GABRG3: variants seen among roughly 807,000 people sequenced by gnomAD.
The protein encoded by GABRG3 is gamma-aminobutyric acid receptor subunit gamma-3.
In GABRG3, 25 loss-of-function variants were observed where a neutral mutation model predicts 48.8. That is an observed-to-expected ratio of 0.51 (90% CI 0.37 to 0.72). GABRG3 has a LOEUF of 0.72. Among genes scored for constraint, GABRG3 ranks in the 30% least tolerant of loss-of-function variants. The pLI, the probability that GABRG3 is intolerant of heterozygous loss-of-function variation, is 0.00. For missense variants in GABRG3, 394 were observed against 577.9 expected (o/e 0.68, Z 3.26); for synonymous variants, 227 against 217.6 (o/e 1.04, Z -0.38).
intron 5 of GABRG3, among the ~76,000 whole-genome samples, chr15:27,372,400 T>G (rs543323247): frequency 1.1e-4 from 17 of 152,238 alleles, no homozygotes; most frequent in East Asian, 7.7e-4. Flanking sequence ...TATTTATTTA[T>G]TTAGTTTTTA....
chr15:27,145,606 T>TATCTATCA, intron 3 of GABRG3, among the ~76,000 whole-genome samples: 1 of 118,358 alleles, frequency 8.4e-6, no homozygotes, highest in East Asian at 2.3e-4. Flanking sequence ...TATCTATCTC[T>TATCTATCA]ATCTATCTAT....
chr15:27,049,773 G>A (rs935433723), intron 3 of GABRG3, among the ~76,000 whole-genome samples: 3 of 152,220 alleles, frequency 2.0e-5, no homozygotes, highest in Non-Finnish European at 2.9e-5. Flanking sequence ...TGAGTGATGC[G>A]TGCACGCTGC....
At chr15:27,174,293 C>G (rs1887669801) in intron 3 of GABRG3, among the ~76,000 whole-genome samples, 1 of 152,152 alleles carries the variant, frequency 6.6e-6, no homozygotes, top group Non-Finnish European at 1.5e-5. Context: ...TTGATTTGTT[C>G]AAAAGATTTG....
chr15:27,010,001 G>C (rs1445373721), intron 2 of GABRG3, among the ~76,000 whole-genome samples: 1 of 152,046 alleles, frequency 6.6e-6, no homozygotes, highest in Non-Finnish European at 1.5e-5. Context: ...CTGGAGTGCA[G>C]TGGTATGATC....
chr15:27,329,763 C>T (rs1893742605), intron 5 of GABRG3, among the ~76,000 whole-genome samples: 1 of 152,116 alleles, frequency 6.6e-6, no homozygotes, highest in Non-Finnish European at 1.5e-5. Flanking sequence ...ACATCTACTG[C>T]TTAGTATAAG....
At chr15:27,383,565 G>A (rs1260201439) in intron 5 of GABRG3, among the ~76,000 whole-genome samples, 3 of 152,174 alleles carry the variant, frequency 2.0e-5, no homozygotes, top group South Asian at 4.1e-4. Flanking sequence ...TAAAAAAATT[G>A]TCAGTGAAAT....
chr15:27,388,660 A>G (rs561112946), intron 5 of GABRG3, among the ~76,000 whole-genome samples: 30 of 152,234 alleles, frequency 2.0e-4, no homozygotes, highest in African/African-American at 6.5e-4. Flanking sequence ...TTACCCCACA[A>G]TGCATTAAAA....
chr15:27,129,614 T>C lies in GABRG3; in HGVS notation c.270+102793T>C, dbSNP rs147653665. Among the ~76,000 whole-genome samples, 481 of 152,306 alleles carry C rather than the reference T, an allele frequency of 3.2e-3. 1 individual carries two copies. Among genetic ancestry groups the C allele is most frequent in the African/African-American group, 0.011 (465 of 41,568 alleles). On this transcript the variant is annotated intron_variant, in intron 3 of 9. Coordinates refer to ENST00000615808, the MANE Select transcript of GABRG3 (RefSeq NM_033223.5). ...ATATTTTTCTGAGGAACTCCCATAC[T>C]GTTTTCCATAGTGGCTATGCCATTT... is the stretch of plus-strand genomic sequence containing the variant.
chr15:27,353,422 CT>C (rs1319612685), intron 5 of GABRG3, among the ~76,000 whole-genome samples: 2 of 122,402 alleles, frequency 1.6e-5, no homozygotes, highest in Non-Finnish European at 3.5e-5. Context: ...AGTTTTCTTT[CT>C]TTCTATTTAT....
At chr15:27,014,497 T>C (rs1566909287) in intron 2 of GABRG3, among the ~76,000 whole-genome samples, 1 of 152,168 alleles carries the variant, frequency 6.6e-6, no homozygotes. Context: ...GTGTTTTCTT[T>C]ATTTGTCTCC....
chr15:27,440,372 G>C (rs1288950373), intron 5 of GABRG3, among the ~76,000 whole-genome samples: 1 of 152,182 alleles, frequency 6.6e-6, no homozygotes, highest in African/African-American at 2.4e-5. Flanking sequence ...GTCTTCATCA[G>C]TGAACCTTTT....
At chr15:27,166,773 T>C (rs1887388553) in intron 3 of GABRG3, among the ~76,000 whole-genome samples, 1 of 152,184 alleles carries the variant, frequency 6.6e-6, no homozygotes, top group Non-Finnish European at 1.5e-5. Context: ...TTTTACCCAG[T>C]GCAGCAAAGA....
intron 3 of GABRG3, among the ~76,000 whole-genome samples, chr15:27,127,967 A>T (rs1897850395): frequency 6.6e-6 from 1 of 152,164 alleles, no homozygotes; most frequent in Non-Finnish European, 1.5e-5. Flanking sequence ...CTCAGTAGAT[A>T]AGAGATTACA....
chr15:26,998,985 A>G (rs906391086), intron 2 of GABRG3, among the ~76,000 whole-genome samples: 3 of 152,188 alleles, frequency 2.0e-5, no homozygotes, highest in African/African-American at 7.2e-5. Context: ...CATGCTCCTC[A>G]TTTTGCCATT....
chr15:27,095,230 G>A (rs1241002834), intron 3 of GABRG3, among the ~76,000 whole-genome samples: 1 of 152,192 alleles, frequency 6.6e-6, no homozygotes, highest in Non-Finnish European at 1.5e-5. Context: ...TGTGTGGCTG[G>A]CTCTTGGCAA....
intron 3 of GABRG3, among the ~76,000 whole-genome samples, chr15:27,234,341 A>G (rs887637925): frequency 3.9e-5 from 6 of 152,180 alleles, no homozygotes; most frequent in African/African-American, 1.4e-4. Flanking sequence ...CAGGAGCCCC[A>G]TCTCAGCCCT....
At chr15:27,064,340 C>A (rs1343603034) in intron 3 of GABRG3, among the ~76,000 whole-genome samples, 1 of 152,136 alleles carries the variant, frequency 6.6e-6, no homozygotes, top group Non-Finnish European at 1.5e-5. Flanking sequence ...TCCCTCCAGG[C>A]CCGGCGGTAA....
chr15:27,493,595 A>C (rs934612396), intron 6 of GABRG3, among the ~76,000 whole-genome samples: 1 of 152,228 alleles, frequency 6.6e-6, no homozygotes, highest in Non-Finnish European at 1.5e-5. Context: ...TTTCTGAAAG[A>C]CTGCTCTGAA....
chr15:27,161,924 CAGGCTCTTCAA>C (rs1887205595), intron 3 of GABRG3, among the ~76,000 whole-genome samples: 1 of 152,260 alleles, frequency 6.6e-6, no homozygotes, highest in South Asian at 2.1e-4. Context: ...TACCAAATGA[CAGGCTCTTCAA>C]AGGAAACAAA....
Sources: allele counts gnomAD v4.1 joint callset (sites outside exome capture counted in the v4.1 genomes callset), GRCh38; gene constraint gnomAD v4.1.1; transcripts MANE v1.5; gene names NCBI Gene and HGNC (gene_info 2026-07-23, HGNC 2026-07-21).